ENOX1: variants seen among roughly 807,000 people sequenced by gnomAD.
The protein encoded by ENOX1 is candidate growth-related and time keeping constitutive hydroquinone (NADH) oxidase.
A neutral mutation model predicts 82.5 loss-of-function variants in ENOX1; 42 were observed. The ratio of observed to expected loss-of-function variants is 0.51; its 90% CI spans 0.40 to 0.66. The LOEUF is 0.66. Ranked by LOEUF, ENOX1 falls within the 30% of genes least tolerant of loss-of-function variation. The probability of loss-of-function intolerance (pLI) is 0.00; values close to 1 mark genes in which losing one functional copy is unlikely to be tolerated. For missense variants in ENOX1, 608 were observed against 811.6 expected (o/e 0.75, Z 3.05); for synonymous variants, 271 against 282.2 (o/e 0.96, Z 0.40).
intron 9 of ENOX1, among the ~76,000 whole-genome samples, chr13:43,333,881 G>A (rs4942213): frequency 1.3e-5 from 2 of 152,226 alleles, no homozygotes; most frequent in South Asian, 4.1e-4. Context: ...CCTCGGCCTC[G>A]CAAAGTGCTG....
intron 12 of ENOX1, among the ~76,000 whole-genome samples, chr13:43,297,507 G>A (rs964686191): frequency 2.0e-5 from 3 of 151,636 alleles, no homozygotes; most frequent in African/African-American, 7.3e-5. Flanking sequence ...TATATGCTCT[G>A]TTATTCTAAG....
intron 1 of ENOX1, among the ~76,000 whole-genome samples, chr13:43,757,710 G>A (rs1318064421): frequency 6.6e-6 from 1 of 152,168 alleles, no homozygotes; most frequent in Non-Finnish European, 1.5e-5. Flanking sequence ...TACACTACAA[G>A]TGAGAATGTA....
At chr13:43,307,620 C>G (rs1428591162) in intron 11 of ENOX1, among the ~76,000 whole-genome samples, 6 of 152,196 alleles carry the variant, frequency 3.9e-5, no homozygotes, top group Admixed American at 1.3e-4. Context: ...CCCAACACAG[C>G]CTTCTGGGCT....
intron 12 of ENOX1, among the ~76,000 whole-genome samples, chr13:43,289,712 A>T (rs2045895101): frequency 6.6e-6 from 1 of 152,216 alleles, no homozygotes; most frequent in Non-Finnish European, 1.5e-5. Flanking sequence ...AACAAAACCA[A>T]AAATAGACAA....
chr13:43,633,688 A>ATG (rs59390732), intron 2 of ENOX1, among the ~76,000 whole-genome samples: 201 of 150,188 alleles, frequency 1.3e-3, no homozygotes, highest in African/African-American at 3.7e-3. Flanking sequence ...AAATGTGTGT[A>ATG]TGTGTGTGTG....
At chr13:43,370,997 G>A (rs982505488) in intron 5 of ENOX1, among the ~76,000 whole-genome samples, 2 of 151,974 alleles carry the variant, frequency 1.3e-5, no homozygotes, top group Non-Finnish European at 2.9e-5. Flanking sequence ...GCACACGGGG[G>A]AACCATGAGA....
chr13:43,480,970 G>C (rs979992675), intron 3 of ENOX1, among the ~76,000 whole-genome samples: 2 of 152,120 alleles, frequency 1.3e-5, no homozygotes, highest in Non-Finnish European at 2.9e-5. Flanking sequence ...AATTGAAAAG[G>C]ATGGAACATT....
chr13:43,356,978 T>C lies in ENOX1; in HGVS notation c.590-826A>G, dbSNP rs555631854. Among the ~76,000 whole-genome samples, 7 of 152,228 alleles carry C rather than the reference T, an allele frequency of 4.6e-5. No individual in the cohort carries two copies. The East Asian group carries it at 1.4e-3, about 29-fold the overall frequency. ...AATCTTTGGGGGATTCACTGTGAGC[T>C]ACCCAACTTAGATAAAGATTATGAG... is the stretch of plus-strand genomic sequence containing the variant. On this transcript the variant is annotated intron_variant, in intron 7 of 16. Transcript: ENST00000690772.
At chr13:43,405,129 T>C (rs909052156) in intron 5 of ENOX1, among the ~76,000 whole-genome samples, 1 of 152,170 alleles carries the variant, frequency 6.6e-6, no homozygotes, top group Non-Finnish European at 1.5e-5. Flanking sequence ...CAGTCCTGAG[T>C]GTATTTGTAA....
At chr13:43,390,153 A>G (rs1313657817) in intron 5 of ENOX1, among the ~76,000 whole-genome samples, 1 of 152,208 alleles carries the variant, frequency 6.6e-6, no homozygotes, top group African/African-American at 2.4e-5. Flanking sequence ...CATCATTTCT[A>G]AAAGCCAAGC....
intron 1 of ENOX1, among the ~76,000 whole-genome samples, chr13:43,758,557 A>G (rs1306979608): frequency 6.6e-6 from 1 of 152,248 alleles, no homozygotes; most frequent in Non-Finnish European, 1.5e-5. Context: ...TATCTATGTC[A>G]GTATCCTGAC....
At chr13:43,321,817 C>T (rs2047829210) in intron 11 of ENOX1, among the ~76,000 whole-genome samples, 2 of 152,190 alleles carry the variant, frequency 1.3e-5, no homozygotes, top group Admixed American at 6.5e-5. Flanking sequence ...TCAATGAGAG[C>T]GTTTTAAATC....
intron 2 of ENOX1, chr13:43,545,763 A>G (rs531867558): frequency 6.6e-6 from 1 of 152,394 alleles, no homozygotes; most frequent in East Asian, 1.9e-4. Context: ...ATTGCTATTT[A>G]TGTCAGAAAG....
At chr13:43,785,468 A>T (rs955676640) in intron 1 of ENOX1, among the ~76,000 whole-genome samples, 9 of 152,130 alleles carry the variant, frequency 5.9e-5, no homozygotes, top group African/African-American at 2.2e-4. Context: ...TTCCATACGC[A>T]CGTATTTCCT....
chr13:43,414,420 C>T (rs1411703986), intron 3 of ENOX1, among the ~76,000 whole-genome samples: 1 of 152,160 alleles, frequency 6.6e-6, no homozygotes, highest in Admixed American at 6.5e-5. Context: ...TTCCTTCCCA[C>T]TATACTATCC....
chr13:43,250,739 A>T (rs750049710), intron 14 of ENOX1, among the ~76,000 whole-genome samples: 2 of 152,228 alleles, frequency 1.3e-5, no homozygotes, highest in Non-Finnish European at 2.9e-5. Flanking sequence ...TCAAAGATGA[A>T]TAATAGTGGT....
chr13:43,751,563 A>G (rs1395482030), intron 1 of ENOX1, among the ~76,000 whole-genome samples: 1 of 152,150 alleles, frequency 6.6e-6, no homozygotes, highest in African/African-American at 2.4e-5. Context: ...TCCCCAGGGA[A>G]CGACTGATCT....
chr13:43,609,326 G>A (rs1452755534), intron 2 of ENOX1, among the ~76,000 whole-genome samples: 2 of 152,152 alleles, frequency 1.3e-5, no homozygotes, highest in Admixed American at 6.5e-5. Flanking sequence ...TGTATAGATA[G>A]CTTAAAGGTT....
chr13:43,410,712 C>T, intron 5 of ENOX1, among the ~76,000 whole-genome samples: 1 of 151,694 alleles, frequency 6.6e-6, no homozygotes, highest in East Asian at 1.9e-4. Context: ...AAAAGAAACA[C>T]AACAAAAAAC....
Sources: gnomAD v4.1 joint callset for allele counts (sites outside exome capture counted in the v4.1 genomes callset) on GRCh38, gnomAD v4.1.1 for gene constraint, MANE v1.5 for transcripts, NCBI Gene and HGNC (gene_info 2026-07-23, HGNC 2026-07-21) for gene names.